Variants in HS6ST3 observed in about 807,000 individuals in gnomAD.
HS6ST3 encodes the protein heparan sulfate 6-O-sulfotransferase 3, also known as heparan-sulfate 6-O-sulfotransferase 3.
A neutral mutation model predicts 36.7 loss-of-function variants in HS6ST3; 12 were observed. That is an observed-to-expected ratio of 0.33 (90% CI 0.21 to 0.53). HS6ST3 has a LOEUF of 0.53. HS6ST3 is among the 20% of genes least tolerant of loss of function. HS6ST3 has a pLI of 0.95. For synonymous variants in HS6ST3, 240 were observed against 257.5 expected, an observed-to-expected ratio of 0.93 and a Z score of 0.65; for missense variants, 584 against 640.9, an observed-to-expected ratio of 0.91 and a Z score of 0.96.
At chr13:96,353,154 C>A (rs954908830) in intron 1 of HS6ST3, among the ~76,000 whole-genome samples, 3 of 147,854 alleles carry the variant, frequency 2.0e-5, no homozygotes, top group Non-Finnish European at 4.5e-5. Flanking sequence ...CCCAGGTTCA[C>A]GTGATTCTCC....
chr13:96,502,056 C>G (rs1012570384), intron 1 of HS6ST3, among the ~76,000 whole-genome samples: 1 of 152,152 alleles, frequency 6.6e-6, no homozygotes, highest in African/African-American at 2.4e-5. Context: ...ACAGGTAGAT[C>G]TAACTTTCCA....
intron 1 of HS6ST3, among the ~76,000 whole-genome samples, chr13:96,768,661 T>C (rs1877181763): frequency 6.6e-6 from 1 of 152,016 alleles, no homozygotes; most frequent in African/African-American, 2.4e-5. Flanking sequence ...CTTGTTCGGA[T>C]CCCATGAGCG....
chr13:96,680,146 C>A (rs184384195), intron 1 of HS6ST3, among the ~76,000 whole-genome samples: 6 of 152,112 alleles, frequency 3.9e-5, no homozygotes, highest in Non-Finnish European at 7.4e-5. Flanking sequence ...AAGCCCATCC[C>A]AGCATCTCTC....
chr13:96,190,708 G>T (rs2054284747), intron 1 of HS6ST3, among the ~76,000 whole-genome samples: 1 of 152,188 alleles, frequency 6.6e-6, no homozygotes, highest in Admixed American at 6.5e-5. Flanking sequence ...CAGATAGTGA[G>T]TGAGAATACA....
chr13:96,202,758 G>A (rs1176023494), intron 1 of HS6ST3, among the ~76,000 whole-genome samples: 1 of 152,100 alleles, frequency 6.6e-6, no homozygotes, highest in Non-Finnish European at 1.5e-5. Flanking sequence ...AGATTCACTG[G>A]GGATTTGTGA....
chr13:96,377,706 G>A (rs117908910), intron 1 of HS6ST3, among the ~76,000 whole-genome samples: 2,997 of 152,194 alleles, frequency 0.02, 43 homozygotes, highest in Non-Finnish European at 0.031. Flanking sequence ...TCCATTTGAC[G>A]TGGCCCTTGA....
intron 1 of HS6ST3, among the ~76,000 whole-genome samples, chr13:96,460,949 G>GT (rs1340339533): frequency 6.6e-6 from 1 of 152,200 alleles, no homozygotes; most frequent in African/African-American, 2.4e-5. Context: ...AAAAAGCATC[G>GT]TAAGTGCTAT....
At chr13:96,530,505 CT>C (rs113518179) in intron 1 of HS6ST3, among the ~76,000 whole-genome samples, 388 of 142,332 alleles carry the variant, frequency 2.7e-3, no homozygotes, top group Middle Eastern at 3.8e-3. Flanking sequence ...TTTTCTTTCC[CT>C]TTTTTTTTTT....
At chr13:96,565,928 C>T (rs1282138414) in intron 1 of HS6ST3, among the ~76,000 whole-genome samples, 3 of 151,970 alleles carry the variant, frequency 2.0e-5, no homozygotes, top group Non-Finnish European at 4.4e-5. Context: ...AATATACAGA[C>T]AGAGGAAACA....
chr13:96,814,371 T>C (rs567080483), intron 1 of HS6ST3, among the ~76,000 whole-genome samples: 7 of 152,322 alleles, frequency 4.6e-5, no homozygotes, highest in African/African-American at 1.7e-4. Context: ...TTATTTCTAG[T>C]CTTCAGAGTT....
intron 1 of HS6ST3, among the ~76,000 whole-genome samples, chr13:96,657,710 A>G (rs1042147228): frequency 6.6e-6 from 1 of 152,178 alleles, no homozygotes; most frequent in African/African-American, 2.4e-5. Flanking sequence ...GAAATACTCA[A>G]TGAGATCCTA....
chr13:96,334,346 C>G (rs1467244739), intron 1 of HS6ST3, among the ~76,000 whole-genome samples: 4 of 152,018 alleles, frequency 2.6e-5, no homozygotes, highest in Non-Finnish European at 5.9e-5. Context: ...TATCTTGTTC[C>G]CCACTTCACC....
intron 1 of HS6ST3, among the ~76,000 whole-genome samples, chr13:96,623,804 A>T (rs531272301): frequency 6.6e-6 from 1 of 152,320 alleles, no homozygotes; most frequent in South Asian, 2.1e-4. Context: ...TGGAACACTG[A>T]TGCCAAGAAA....
chr13:96,111,587 C>T (rs2053868530), intron 1 of HS6ST3, among the ~76,000 whole-genome samples: 1 of 151,984 alleles, frequency 6.6e-6, no homozygotes, highest in Admixed American at 6.6e-5. Flanking sequence ...GAATTTTTTG[C>T]TTAAAGGGAC....
At chr13:96,166,575 CTTTT>C (rs765190619) in intron 1 of HS6ST3, among the ~76,000 whole-genome samples, 4 of 131,586 alleles carry the variant, frequency 3.0e-5, no homozygotes, top group Non-Finnish European at 4.9e-5. Context: ...TTCTTTCTTT[CTTTT>C]TTTTTTTTTT....
chr13:96,434,238 G>A (rs536357530), intron 1 of HS6ST3, among the ~76,000 whole-genome samples: 1 of 152,290 alleles, frequency 6.6e-6, no homozygotes, highest in African/African-American at 2.4e-5. Flanking sequence ...CCCCCAGGTT[G>A]CAGTATTAGT....
chr13:96,832,649 C>G lies in HS6ST3; in HGVS notation c.867C>G (p.Asp289Glu), dbSNP rs1387836837. 1 of 1,613,998 alleles carries G rather than the reference C, an allele frequency of 6.2e-7. No homozygotes were observed. The highest frequency in any genetic ancestry group is 2.2e-5 in the East Asian group (1 of 44,882). Reference protein sequence around the residue: ...DELPTCYPGDDWSGVSLREFM... With the variant: ...DELPTCYPGDEWSGVSLREFM... ...TGCCTACCTGCTACCCTGGGGATGA[C>G]TGGTCTGGGGTCAGCTTGCGGGAGT... is the stretch of plus-strand genomic sequence containing the variant. The change falls in exon 2 of 2, where the codon GAC (aspartate) becomes GAG (glutamate). Residue 289 changes from aspartate to glutamate, a missense_variant. By Grantham distance (45) the Asp-to-Glu change is conservative. Around this residue, in one of 3 missense-constraint regions of HS6ST3, gnomAD observed 360 missense variants for 411.3 expected, o/e 0.88. Coordinates refer to ENST00000376705, the MANE Select transcript of HS6ST3 (RefSeq NM_153456.4).
At chr13:96,561,031 A>G (rs1246271169) in intron 1 of HS6ST3, among the ~76,000 whole-genome samples, 1 of 152,166 alleles carries the variant, frequency 6.6e-6, no homozygotes. Flanking sequence ...CAGAACTGGA[A>G]AAAAAACTAT....
intron 1 of HS6ST3, among the ~76,000 whole-genome samples, chr13:96,372,633 T>C (rs1258073707): frequency 6.6e-6 from 1 of 152,228 alleles, no homozygotes; most frequent in Admixed American, 6.5e-5. Context: ...TGTTTAAGGC[T>C]TTAATTAATT....
Sources: allele counts gnomAD v4.1 joint callset (sites outside exome capture counted in the v4.1 genomes callset), GRCh38; gene constraint gnomAD v4.1.1; regional missense constraint gnomAD v4.1.1; transcripts MANE v1.5; gene names NCBI Gene and HGNC (gene_info 2026-07-23, HGNC 2026-07-21).